The following LCOR variants were observed in gnomAD, a reference collection of about 807,000 sequenced individuals.
LCOR encodes ligand dependent nuclear receptor corepressor.
In LCOR, 14 loss-of-function variants were observed where a neutral mutation model predicts 64.4. The observed-to-expected ratio is 0.22, with a 90% CI of 0.14 to 0.34. The LOEUF is 0.34. Among genes scored for constraint, LCOR ranks in the 10% least tolerant of loss-of-function variants. The pLI is 1.00. For synonymous variants in LCOR, 643 were observed against 642.5 expected (o/e 1.00, Z -0.01); for missense variants, 1,686 against 1,765.3 (o/e 0.96, Z 0.80).
rs1018471701 is a variant in LCOR, at chr10:96,944,125, G to A, written c.-171G>A. 3 of 985,632 alleles carry A rather than the reference G, an allele frequency of 3.0e-6. No homozygotes were observed. Among genetic ancestry groups the A allele is most frequent in the Non-Finnish European group, 3.6e-6 (3 of 829,898 alleles). 61.1% of individuals were successfully genotyped at this position (985,632 alleles called of 1,614,324 possible). On this transcript the variant is annotated 5_prime_UTR_variant, in exon 5 of 8. Transcript: ENST00000421806. ...AGTATTTTTGCAGGGACACTTAGTC[G>A]GTCTGGATGAACCAGCTTCGGGAGC...
intron 2 of LCOR, among the ~76,000 whole-genome samples, chr10:96,861,546 C>G (rs1165606774): frequency 6.6e-6 from 1 of 151,970 alleles, no homozygotes; most frequent in African/African-American, 2.4e-5. Flanking sequence ...CTTCTCTTTT[C>G]TCTTTCTTTT....
intron 2 of LCOR, among the ~76,000 whole-genome samples, chr10:96,886,511 C>G (rs538143919): frequency 6.6e-6 from 1 of 152,146 alleles, no homozygotes; most frequent in Non-Finnish European, 1.5e-5. Context: ...TTCCCAAAAA[C>G]GTTCAACAAC....
At chr10:96,844,620 T>C (rs911148567) in intron 2 of LCOR, among the ~76,000 whole-genome samples, 2 of 152,200 alleles carry the variant, frequency 1.3e-5, no homozygotes, top group Non-Finnish European at 2.9e-5. Context: ...TTTGATTTTT[T>C]AGTTTTGTTA....
chr10:96,967,436 T>C (rs922921900), intron 7 of LCOR, among the ~76,000 whole-genome samples: 16 of 152,166 alleles, frequency 1.1e-4, no homozygotes, highest in African/African-American at 3.9e-4. Context: ...TTTGCCTGAA[T>C]TGTTATTTTA....
chr10:96,837,560 A>G (rs939196132), intron 2 of LCOR, among the ~76,000 whole-genome samples: 3 of 152,182 alleles, frequency 2.0e-5, no homozygotes, highest in Non-Finnish European at 4.4e-5. Flanking sequence ...CGGCCGACAG[A>G]TTCTTTTTTA....
intron 2 of LCOR, among the ~76,000 whole-genome samples, chr10:96,841,484 C>T (rs1845540639): frequency 6.6e-6 from 1 of 151,802 alleles, no homozygotes; most frequent in African/African-American, 2.4e-5. Context: ...CCTTAGCCTC[C>T]CGAGTAGCTG....
At chr10:96,928,765 G>A (rs961522090) in intron 4 of LCOR, among the ~76,000 whole-genome samples, 1 of 152,160 alleles carries the variant, frequency 6.6e-6, no homozygotes, top group African/African-American at 2.4e-5. Context: ...ATAACCTTGC[G>A]AAATGTATTT....
chr10:96,941,255 C>T (rs1170557366), intron 4 of LCOR, among the ~76,000 whole-genome samples: 2 of 144,566 alleles, frequency 1.4e-5, no homozygotes, highest in African/African-American at 2.5e-5. Flanking sequence ...CCCCACCTCC[C>T]TCCCGGACGG....
chr10:96,961,111 A>C lies in LCOR; in HGVS notation c.332+8915A>C, dbSNP rs185327229. 57 of 152,218 alleles carry C rather than the reference A, an allele frequency of 3.7e-4. 1 individual carries two copies. Among genetic ancestry groups the C allele is most frequent in the Admixed American group, 3.2e-3 (49 of 15,288 alleles). The allele number at this position is 152,218 out of a possible 1,614,324, so 9.4% of individuals were successfully genotyped here. ...GAAGAGGCTAAAAATTCTGCCCTAT[A>C]ATACTAAAAATGAGTCACAAGATAA... is the stretch of plus-strand genomic sequence containing the variant. On this transcript the variant is annotated intron_variant, in intron 7 of 7. Coordinates refer to ENST00000421806, the MANE Select transcript of LCOR (RefSeq NM_001346516.2).
chr10:96,956,930 G>A, intron 7 of LCOR: 3 of 985,138 alleles, frequency 3.0e-6, no homozygotes, highest in Non-Finnish European at 3.6e-6. Flanking sequence ...AAAGAAATGT[G>A]TATAAGTAAT....
At chr10:96,980,000 C>G (rs1158938449) in intron 7 of LCOR, among the ~76,000 whole-genome samples, 1 of 152,138 alleles carries the variant, frequency 6.6e-6, no homozygotes, top group African/African-American at 2.4e-5. Flanking sequence ...AAAAATTAGC[C>G]AGGCGTGGCG....
chr10:96,887,935 C>T (rs1025565076), intron 2 of LCOR, among the ~76,000 whole-genome samples: 2 of 151,718 alleles, frequency 1.3e-5, no homozygotes, highest in African/African-American at 4.8e-5. Flanking sequence ...CCTGCCTCAA[C>T]CTCCCAAAGT....
intron 2 of LCOR, among the ~76,000 whole-genome samples, chr10:96,903,442 G>C (rs1846676727): frequency 6.6e-6 from 1 of 151,962 alleles, no homozygotes. Context: ...TGAGCACCAA[G>C]CTCAGTACAA....
Position 96,981,425 on chromosome 10 carries a change from C to T in LCOR, c.965C>T (p.Thr322Ile). The change falls in exon 8 of 8, where the codon ACA (threonine) becomes ATA (isoleucine). Residue 322 changes from threonine (T) to isoleucine (I), a missense_variant. Thr to Ile is a moderately conservative substitution (Grantham distance 89). This residue lies in a region of LCOR where 313 missense variants were observed against 247.2 expected (regional missense o/e 1.27). Transcript: ENST00000421806. ...QSSALVESLITVKMAAENSEE... is the reference protein window; with the variant it reads ...QSSALVESLIIVKMAAENSEE... ...TCAGCTTTAGTAGAAAGTCTAATTA[C>T]AGTAAAAATGGCAGCTGAGAATAGT... is the stretch of plus-strand genomic sequence containing the variant. The T allele has an allele frequency of 6.2e-7, 1 of 1,614,152 alleles. No homozygotes were observed. Among genetic ancestry groups the T allele is most frequent in the Non-Finnish European group, 8.5e-7 (1 of 1,180,034 alleles).
intron 2 of LCOR, among the ~76,000 whole-genome samples, chr10:96,867,273 G>A (rs945686697): frequency 1.3e-5 from 2 of 152,218 alleles, no homozygotes; most frequent in South Asian, 4.1e-4. Flanking sequence ...GATTATGGGC[G>A]TGAGCCACTG....
intron 7 of LCOR, chr10:96,955,480 C>T (rs886688204): frequency 4.3e-6 from 7 of 1,613,922 alleles, no homozygotes; most frequent in South Asian, 1.1e-5. Flanking sequence ...ACGGAGAGCG[C>T]GCTTAGTAAA....
intron 4 of LCOR, among the ~76,000 whole-genome samples, chr10:96,942,527 A>G (rs944355504): frequency 6.6e-6 from 1 of 152,216 alleles, no homozygotes; most frequent in Admixed American, 6.5e-5. Flanking sequence ...TTTTTAATAC[A>G]TTATATAGCA....
intron 2 of LCOR, among the ~76,000 whole-genome samples, chr10:96,882,173 T>TG (rs1157755399): frequency 6.6e-6 from 1 of 152,170 alleles, no homozygotes; most frequent in Non-Finnish European, 1.5e-5. Flanking sequence ...AAAAAAAAAG[T>TG]GGGAAAAGGG....
intron 7 of LCOR, chr10:96,956,686 T>A: frequency 5.1e-6 from 5 of 985,878 alleles, no homozygotes; most frequent in African/African-American, 1.7e-5. Flanking sequence ...AGGGTAGAAT[T>A]TGGTCTCACC....
Sources: gnomAD v4.1 joint callset for allele counts (sites outside exome capture counted in the v4.1 genomes callset) on GRCh38, gnomAD v4.1.1 for gene constraint, gnomAD v4.1.1 regional missense constraint, MANE v1.5 for transcripts, NCBI Gene and HGNC (gene_info 2026-07-23, HGNC 2026-07-21) for gene names.